WDR59: variants seen among roughly 807,000 people sequenced by gnomAD.
WDR59 encodes WD repeat domain 59.
In WDR59, 100 loss-of-function variants were observed where a neutral mutation model predicts 131.2. That is an observed-to-expected ratio of 0.76 (90% CI 0.65 to 0.90). The LOEUF is 0.90. Among genes scored for constraint, WDR59 ranks in the 40% least tolerant of loss-of-function variants. WDR59 has a pLI of 0.00. For missense variants in WDR59, 1,203 were observed against 1,262.2 expected, an observed-to-expected ratio of 0.95 and a Z score of 0.71; for synonymous variants, 601 against 466.2, an observed-to-expected ratio of 1.29 and a Z score of -3.72.
chr16:74,980,080 C>T (rs952041817), intron 1 of WDR59, among the ~76,000 whole-genome samples: 3 of 151,646 alleles, frequency 2.0e-5, no homozygotes, highest in Admixed American at 1.3e-4. Flanking sequence ...AGGCTGGTCT[C>T]GACTCCTGAC....
chr16:74,957,629 T>C (rs1285109287), intron 2 of WDR59, among the ~76,000 whole-genome samples: 2 of 152,130 alleles, frequency 1.3e-5, no homozygotes, highest in Non-Finnish European at 2.9e-5. Context: ...AAGGTTCCAA[T>C]CAACATGAAG....
intron 10 of WDR59, among the ~76,000 whole-genome samples, chr16:74,920,926 G>A (rs1181808014): frequency 6.6e-6 from 1 of 152,152 alleles, no homozygotes; most frequent in East Asian, 1.9e-4. Flanking sequence ...TCTCAGGGAA[G>A]GGAGGGGATG....
intron 8 of WDR59, among the ~76,000 whole-genome samples, chr16:74,934,069 T>A (rs2031608722): frequency 6.6e-6 from 1 of 152,200 alleles, no homozygotes; most frequent in South Asian, 2.1e-4. Flanking sequence ...AATAATTAGA[T>A]ATGCTTGTCA....
rs562660570 is a variant in WDR59, at chr16:74,894,888, G to A, written c.1867-1076C>T. ...ATGAGCGTACAATGAAGAGGCAGGG[G>A]TGCAAATTAAATGGAAAAGTGTACT... is the stretch of plus-strand genomic sequence containing the variant. On this transcript the variant is annotated intron_variant, in intron 18 of 25. Transcript: ENST00000262144. Among the ~76,000 whole-genome samples the A allele has an allele frequency of 2.6e-5, 4 of 152,280 alleles. No homozygotes were observed. The East Asian group carries it at 7.7e-4, about 29-fold the overall frequency.
intron 6 of WDR59, among the ~76,000 whole-genome samples, chr16:74,944,521 A>G (rs1173972810): frequency 6.6e-6 from 1 of 151,876 alleles, no homozygotes; most frequent in African/African-American, 2.4e-5. Context: ...GGGCTATGAG[A>G]ACTCTCAGAC....
At chr16:74,981,627 TA>T (rs1567450444) in intron 1 of WDR59, among the ~76,000 whole-genome samples, 4 of 2,032 alleles carry the variant, frequency 2.0e-3, no homozygotes, top group Non-Finnish European at 3.6e-3. Flanking sequence ...TATATATATA[TA>T]TATATATATA....
At chr16:74,884,879 C>T (rs781115838) in intron 25 of WDR59, among the ~76,000 whole-genome samples, 11 of 152,200 alleles carry the variant, frequency 7.2e-5, no homozygotes, top group Non-Finnish European at 1.6e-4. Context: ...CTTCAGACCT[C>T]AGCTCCTTGG....
chr16:74,980,848 G>A (rs2034374931), intron 1 of WDR59, among the ~76,000 whole-genome samples: 1 of 151,818 alleles, frequency 6.6e-6, no homozygotes, highest in Non-Finnish European at 1.5e-5. Context: ...GGGCACGCCT[G>A]TAATCCCAGC....
chr16:74,954,783 A>C (rs941883948), intron 3 of WDR59, among the ~76,000 whole-genome samples: 1 of 152,246 alleles, frequency 6.6e-6, no homozygotes, highest in Non-Finnish European at 1.5e-5. Flanking sequence ...TCCACTGATA[A>C]AAAGGAATGA....
In WDR59 at chr16:74,951,533, C is replaced by T. The variant is rs763470745; in HGVS notation, c.251G>A (p.Arg84Gln). Reference protein sequence around the residue: ...AHYFAASSNQRVDLYKWKDGS... With the variant: ...AHYFAASSNQQVDLYKWKDGS... ...GTCTTTCCACTTGTAAAGGTCTACT[C>T]GTTGGTTACTCTGAAAAGAAAGGAA... The change falls in exon 4 of 26, where the codon CGA (arginine) becomes CAA (glutamine). Residue 84 changes from arginine to glutamine, a missense_variant. Arg to Gln is a conservative substitution (Grantham distance 43). Coordinates refer to ENST00000262144, the MANE Select transcript of WDR59 (RefSeq NM_030581.4). The T allele has an allele frequency of 8.2e-6, 13 of 1,594,894 alleles. No homozygotes were observed. Among genetic ancestry groups the T allele is most frequent in the African/African-American group, 6.7e-5 (5 of 74,808 alleles).
rs1373988268 is a variant in WDR59, at chr16:74,915,954, C to T, written c.1140G>A (p.Arg380=). The part of the protein sequence containing the change: ...EDPPRNLLEE[R]KSDQLGLPQT... ...GAGGCAGCCCCAGTTGATCTGATTT[C>T]CTCTCTTCCAGGAGATTTCTAGGGG... is the stretch of plus-strand genomic sequence containing the variant. Residue 380 remains arginine (R), a synonymous_variant, in exon 13 of 26, where the codon AGG becomes AGA. Coordinates refer to ENST00000262144, the MANE Select transcript of WDR59 (RefSeq NM_030581.4). 1 of 1,614,184 alleles carries T rather than the reference C, an allele frequency of 6.2e-7. No homozygotes were observed. Among genetic ancestry groups the T allele is most frequent in the Admixed American group, 1.7e-5 (1 of 60,020 alleles).
chr16:74,959,860 A>G (rs925842514), intron 2 of WDR59, among the ~76,000 whole-genome samples: 3 of 151,516 alleles, frequency 2.0e-5, no homozygotes, highest in African/African-American at 7.2e-5. Context: ...AGGAAGAAGA[A>G]AAGAAGAAAT....
At chr16:74,974,898 C>T (rs962161025) in intron 1 of WDR59, among the ~76,000 whole-genome samples, 12 of 152,336 alleles carry the variant, frequency 7.9e-5, no homozygotes, top group African/African-American at 2.4e-4. Flanking sequence ...GCCTGGTTTC[C>T]TTCTGACCTC....
Position 74,886,395 on chromosome 16 carries a change from C to G in WDR59, c.2421G>C (p.Ala807=), listed in dbSNP as rs138813730. Reference sequence around the variant, plus strand: ...AGGACAAGTGCTCTGCCTCTCTTCCCGCTGAAGAAAATCAAATGGGAAGGG... The same window carrying G: ...AGGACAAGTGCTCTGCCTCTCTTCCGGCTGAAGAAAATCAAATGGGAAGGG... The part of the protein sequence containing the change: ...PGLNTGGWNI[A]GREAEHLSSP... The change falls in exon 24 of 26, where the codon GCG becomes GCC. Residue 807 remains alanine, a splice_region_variant and synonymous_variant. Coordinates refer to ENST00000262144, the MANE Select transcript of WDR59 (RefSeq NM_030581.4). 5 of 1,611,498 alleles carry G rather than the reference C, an allele frequency of 3.1e-6. No homozygotes were observed. Among genetic ancestry groups the G allele is most frequent in the Non-Finnish European group, 4.2e-6 (5 of 1,179,454 alleles).
chr16:74,956,132 T>C (rs567753209), intron 3 of WDR59, among the ~76,000 whole-genome samples: 49 of 152,250 alleles, frequency 3.2e-4, no homozygotes, highest in Admixed American at 6.5e-4. Context: ...TTACCCTCCT[T>C]AGAATGTCTT....
intron 25 of WDR59, among the ~76,000 whole-genome samples, chr16:74,880,363 C>G (rs538594259): frequency 2.6e-5 from 4 of 152,188 alleles, no homozygotes; most frequent in Admixed American, 1.3e-4. Context: ...AGGAGAATGG[C>G]GTGAACCTGG....
At chr16:74,962,061 G>C (rs2033589837) in intron 2 of WDR59, among the ~76,000 whole-genome samples, 1 of 152,108 alleles carries the variant, frequency 6.6e-6, no homozygotes, top group Non-Finnish European at 1.5e-5. Context: ...TTTCCCCATT[G>C]ATTGTTTTTG....
At chr16:74,941,132 CCCAGG>C (rs1272126850) in intron 7 of WDR59, among the ~76,000 whole-genome samples, 1 of 148,112 alleles carries the variant, frequency 6.8e-6, no homozygotes, top group Non-Finnish European at 1.5e-5. Flanking sequence ...ATCGCTTGAC[CCCAGG>C]AGTTCGAGGT....
intron 18 of WDR59, among the ~76,000 whole-genome samples, chr16:74,901,270 C>T (rs1379102446): frequency 6.6e-6 from 1 of 151,290 alleles, no homozygotes; most frequent in Non-Finnish European, 1.5e-5. Context: ...AAAAAGCCCC[C>T]AAACCAAAAA....
Sources: gnomAD v4.1 joint callset for allele counts (sites outside exome capture counted in the v4.1 genomes callset) on GRCh38, gnomAD v4.1.1 for gene constraint, MANE v1.5 for transcripts, NCBI Gene and HGNC (gene_info 2026-07-23, HGNC 2026-07-21) for gene names.